The following CIMIP2A variants were observed in gnomAD, a reference collection of about 807,000 sequenced individuals.
CIMIP2A encodes ciliary microtubule inner protein 2A.
At chr9:137,245,600 G>C in the CIMIP2A span, 1 of 1,613,356 alleles carries the variant, frequency 6.2e-7, no homozygotes, top group Admixed American at 1.7e-5. Context: ...ACAGGCAGGC[G>C]GGCACAGGAG....
At chr9:137,243,844 G>A in the CIMIP2A span, 1 of 1,572,530 alleles carries the variant, frequency 6.4e-7, no homozygotes, top group Non-Finnish European at 8.7e-7. Flanking sequence ...ACCAGCATGG[G>A]CTGGACACCC....
At chr9:137,251,654 AGGGACAATAGAG>A in the CIMIP2A span, 1 of 1,468,632 alleles carries the variant, frequency 6.8e-7, no homozygotes. Context: ...CCGGGGGCTG[AGGGACAATAGAG>A]GGGACAGGCT....
At chr9:137,248,232 G>A in the CIMIP2A span, among the ~76,000 whole-genome samples, 1,097 of 152,238 alleles carry the variant, frequency 7.2e-3, 8 homozygotes, top group Non-Finnish European at 9.3e-3. Flanking sequence ...TTTTGTACAG[G>A]AAGGACTTCC....
chr9:137,243,887 C>T, the CIMIP2A span: 1 of 1,319,308 alleles, frequency 7.6e-7, no homozygotes, highest in Non-Finnish European at 1.1e-6. Flanking sequence ...TGCCCTGGGC[C>T]CTGGGTATCT....
At chr9:137,252,271 A>T in the CIMIP2A span, 2 of 1,365,276 alleles carry the variant, frequency 1.5e-6, no homozygotes, top group East Asian at 2.5e-5. Flanking sequence ...TAGGCTCAGC[A>T]CCTGTAAGGA....
At chr9:137,246,245 A>G in the CIMIP2A span, among the ~76,000 whole-genome samples, 1 of 152,154 alleles carries the variant, frequency 6.6e-6, no homozygotes, top group South Asian at 2.1e-4. Flanking sequence ...CCTTGGACAC[A>G]CGCAGGGCCC....
At chr9:137,252,361 C>T in the CIMIP2A span, 29 of 1,478,992 alleles carry the variant, frequency 2.0e-5, no homozygotes, top group African/African-American at 2.8e-4. Context: ...GGGTGGGAAC[C>T]GGGAGACAGG....
the CIMIP2A span, chr9:137,245,472 G>T: frequency 2.5e-6 from 4 of 1,613,778 alleles, no homozygotes; most frequent in Non-Finnish European, 3.4e-6. Context: ...GTCTGGGTAT[G>T]TTCTCTACCC....
the CIMIP2A span, chr9:137,247,693 T>C: frequency 1.9e-6 from 3 of 1,613,456 alleles, no homozygotes; most frequent in Non-Finnish European, 2.5e-6. Flanking sequence ...CGTGAAGAGA[T>C]CGTGTTTCTG....
At chr9:137,254,663 G>A in the CIMIP2A span, among the ~76,000 whole-genome samples, 1 of 152,244 alleles carries the variant, frequency 6.6e-6, no homozygotes, top group African/African-American at 2.4e-5. Flanking sequence ...CACAGCCTGC[G>A]GGAGGGCGGC....
chr9:137,244,221 T>G, the CIMIP2A span: 5 of 1,613,802 alleles, frequency 3.1e-6, no homozygotes, highest in African/African-American at 6.7e-5. Flanking sequence ...GCTGTAGATG[T>G]GGTTGCTGGG....
At chr9:137,248,925 G>C in the CIMIP2A span, among the ~76,000 whole-genome samples, 1 of 152,066 alleles carries the variant, frequency 6.6e-6, no homozygotes, top group African/African-American at 2.4e-5. Context: ...AAAGTTTGCA[G>C]TAAGTGCTAT....
At chr9:137,245,806 T>C in the CIMIP2A span, 5 of 1,519,834 alleles carry the variant, frequency 3.3e-6, no homozygotes, top group East Asian at 4.6e-5. Context: ...GGTACGCCCA[T>C]AGGTGTTCCC....
the CIMIP2A span, chr9:137,252,113 C>A: frequency 1.2e-6 from 2 of 1,611,548 alleles, no homozygotes; most frequent in Non-Finnish European, 8.5e-7. Flanking sequence ...ACTACAGCAT[C>A]GGCTGCAAGC....
the CIMIP2A span, chr9:137,244,356 G>GT: frequency 6.2e-7 from 1 of 1,605,726 alleles, no homozygotes; most frequent in Non-Finnish European, 8.5e-7. Context: ...AGTTGTCCCA[G>GT]TGGGGGCCTG....
the CIMIP2A span, chr9:137,244,673 A>G: frequency 1.3e-5 from 21 of 1,613,696 alleles, no homozygotes; most frequent in Non-Finnish European, 1.7e-5. Context: ...CATGGCTTGC[A>G]TGACGCCGTC....
chr9:137,246,419 G>A, the CIMIP2A span, among the ~76,000 whole-genome samples: 1,734 of 152,294 alleles, frequency 0.011, 26 homozygotes, highest in African/African-American at 0.04. Flanking sequence ...GCGGTTCAGC[G>A]CCTCAGGGTC....
the CIMIP2A span, chr9:137,244,163 C>CTA: frequency 6.2e-7 from 1 of 1,613,664 alleles, no homozygotes; most frequent in Non-Finnish European, 8.5e-7. Flanking sequence ...CCTGCCCACT[C>CTA]TACTCACCGG....
At chr9:137,246,067 A>C in the CIMIP2A span, among the ~76,000 whole-genome samples, 1 of 152,182 alleles carries the variant, frequency 6.6e-6, no homozygotes, top group East Asian at 1.9e-4. Context: ...CACACACCAC[A>C]TGCTGGGAAC....
Sources: allele counts gnomAD v4.1 joint callset (sites outside exome capture counted in the v4.1 genomes callset), GRCh38; gene constraint gnomAD v4.1.1; transcripts MANE v1.5; gene names NCBI Gene and HGNC (gene_info 2026-07-23, HGNC 2026-07-21).